AK8: variants seen among roughly 807,000 people sequenced by gnomAD.
AK8 encodes the protein ATP-AMP transphosphorylase 8.
AK8 carries 44 observed loss-of-function variants against 54.6 expected under a neutral mutation model. The observed-to-expected ratio is 0.81, with a 90% confidence interval of 0.63 to 1.04. AK8 has a LOEUF of 1.04. AK8 is among the 50% of genes least tolerant of loss of function. The probability of loss-of-function intolerance (pLI) is 0.00; values close to 1 mark genes in which losing one functional copy is unlikely to be tolerated. For missense variants in AK8, 555 were observed against 613.6 expected, an observed-to-expected ratio of 0.90 and a Z score of 1.01; for synonymous variants, 239 against 245.6, an observed-to-expected ratio of 0.97 and a Z score of 0.25.
At chr9:132,764,284 TG>T (rs1838621702) in intron 11 of AK8, among the ~76,000 whole-genome samples, 1 of 152,088 alleles carries the variant, frequency 6.6e-6, no homozygotes, top group Non-Finnish European at 1.5e-5. Context: ...CACTCCAGCC[TG>T]GACAACAGAG....
At chr9:132,733,398 C>T (rs1033070769) in intron 11 of AK8, among the ~76,000 whole-genome samples, 1 of 152,168 alleles carries the variant, frequency 6.6e-6, no homozygotes, top group Non-Finnish European at 1.5e-5. Context: ...TGGATGCCGA[C>T]GCCAGTAGAA....
chr9:132,825,037 A>G (rs1464173895), intron 8 of AK8, among the ~76,000 whole-genome samples: 2 of 152,210 alleles, frequency 1.3e-5, no homozygotes, highest in Admixed American at 6.5e-5. Context: ...GAGAAGCCCA[A>G]AGGAAGCTAC....
chr9:132,875,945 CA>C (rs1277034932), intron 1 of AK8, among the ~76,000 whole-genome samples: 2 of 152,230 alleles, frequency 1.3e-5, no homozygotes, highest in Admixed American at 1.3e-4. Flanking sequence ...CCATTTCATC[CA>C]ATCAGGCAAG....
At position 132,837,417 on chromosome 9, in the gene AK8, G is replaced by T. The variant is rs2771993; in HGVS notation, c.403-8691C>A. On this transcript the variant is annotated intron_variant, in intron 5 of 12. Coordinates refer to ENST00000298545, the MANE Select transcript of AK8 (RefSeq NM_152572.3). The surrounding 1 kb of genome is among the most constrained non-coding windows in gnomAD (Gnocchi z 4.3). ...GCCCTGCTAGCTCTCGGGAGCAGAC[G>T]TGGCACCTCTGACTCTCTGCTCAGC... is the stretch of plus-strand genomic sequence containing the variant. 6.6e-6 allele frequency among the ~76,000 whole-genome samples: 1 copy of T among 151,944 alleles called. No individual in the cohort carries two copies. The highest frequency in any genetic ancestry group is 2.4e-5 in the African/African-American group (1 of 41,352).
chr9:132,766,216 A>G (rs1483661554), intron 11 of AK8, among the ~76,000 whole-genome samples: 3 of 152,154 alleles, frequency 2.0e-5, no homozygotes, highest in African/African-American at 7.2e-5. Flanking sequence ...GGTTCAAGCA[A>G]TCCTCCCACC....
At chr9:132,794,743 C>T (rs188885896) in intron 10 of AK8, among the ~76,000 whole-genome samples, 42 of 152,306 alleles carry the variant, frequency 2.8e-4, no homozygotes, top group African/African-American at 9.9e-4. Flanking sequence ...CTGTTAAAAT[C>T]AACTTGACCA....
intron 4 of AK8, among the ~76,000 whole-genome samples, chr9:132,862,792 G>T (rs1455031707): frequency 6.6e-6 from 1 of 152,166 alleles, no homozygotes; most frequent in African/African-American, 2.4e-5. Flanking sequence ...CCCCCTTCCT[G>T]AGGATTTGGC....
intron 10 of AK8, among the ~76,000 whole-genome samples, chr9:132,811,773 C>T (rs190888519): frequency 2.0e-5 from 3 of 152,278 alleles, no homozygotes; most frequent in East Asian, 3.8e-4. Context: ...TCAGGGTATC[C>T]TAATAAGATC....
At chr9:132,777,087 C>T (rs1442694622) in intron 11 of AK8, among the ~76,000 whole-genome samples, 8 of 152,190 alleles carry the variant, frequency 5.3e-5, no homozygotes, top group Non-Finnish European at 7.3e-5. Context: ...CTTTCTCCAA[C>T]TCTACCCCGC....
chr9:132,878,731 G>C, upstream of AK8: 1 of 987,024 alleles, frequency 1.0e-6, no homozygotes, highest in South Asian at 4.7e-5. The surrounding 1 kb of genome is among the most constrained non-coding windows in gnomAD (Gnocchi z 4.7). Flanking sequence ...CCGGAGGTTC[G>C]AGGATCGGGT....
chr9:132,828,718 A>G lies in AK8; in HGVS notation c.411T>C (p.Ile137=). 1 of 1,611,532 alleles carries G rather than the reference A, an allele frequency of 6.2e-7. No individual in the cohort carries two copies. The highest frequency in any genetic ancestry group is 8.5e-7 in the Non-Finnish European group (1 of 1,178,222). The change falls in exon 6 of 13, where the codon ATT becomes ATC. Residue 137 remains isoleucine, a synonymous_variant. Transcript: ENST00000298545. ...CACGCGTCTCAGGGATGCCATCCAG[A>G]ATCCAGCCCTAGACAGAAGATTCAG... The part of the protein sequence containing the change: ...AEEDCIKQGW[I]LDGIPETREQ...
At chr9:132,839,887 G>A (rs1419242208) in intron 5 of AK8, among the ~76,000 whole-genome samples, 4 of 150,204 alleles carry the variant, frequency 2.7e-5, no homozygotes, top group African/African-American at 7.4e-5. Context: ...GCGCGATCTC[G>A]GCTCACCGCA....
rs549599117 is a variant in AK8 at position 132,748,883 on chromosome 9, T to G, written c.1122-21349A>C. On this transcript the variant is annotated intron_variant, in intron 11 of 12. Transcript: ENST00000298545. Reference sequence around the variant, plus strand: ...AGTGGCTAAGTTGTGTTTGTTTGTTTGTTTGTTTTGAGACTAAGTCTCACT... The same window carrying G: ...AGTGGCTAAGTTGTGTTTGTTTGTTGGTTTGTTTTGAGACTAAGTCTCACT... Among the ~76,000 whole-genome samples, 8 of 152,024 alleles carry G rather than the reference T, an allele frequency of 5.3e-5. 1 individual carries two copies. The South Asian group carries it at 1.5e-3, about 28-fold the overall frequency.
chr9:132,828,560 G>A (rs1490709414), intron 6 of AK8, 85 bp downstream of exon 6: 3 of 1,247,816 alleles, frequency 2.4e-6, no homozygotes, highest in African/African-American at 3.0e-5. Flanking sequence ...CTGAGGTCAG[G>A]AGCAGGCAGC....
At chr9:132,849,147 A>G (rs1025294733) in intron 5 of AK8, among the ~76,000 whole-genome samples, 2 of 152,034 alleles carry the variant, frequency 1.3e-5, no homozygotes, top group African/African-American at 4.8e-5. Context: ...GGATCTCATG[A>G]TCCGCCTGTC....
intron 4 of AK8, among the ~76,000 whole-genome samples, chr9:132,857,044 A>G (rs1843197941): frequency 6.6e-6 from 1 of 152,128 alleles, no homozygotes; most frequent in Non-Finnish European, 1.5e-5. Context: ...CACAGAGGAA[A>G]AAGGAGACCA....
At chr9:132,800,781 G>A (rs555807581) in intron 10 of AK8, among the ~76,000 whole-genome samples, 1 of 152,250 alleles carries the variant, frequency 6.6e-6, no homozygotes, top group African/African-American at 2.4e-5. Flanking sequence ...CCTTGGAGAG[G>A]GCCACCCACT....
chr9:132,839,562 C>G (rs1414261674), intron 5 of AK8, among the ~76,000 whole-genome samples: 3 of 152,178 alleles, frequency 2.0e-5, no homozygotes, highest in Non-Finnish European at 1.5e-5. Flanking sequence ...CAGATGGGGA[C>G]AGCATCCCTC....
rs151066522 is a variant in AK8 at position 132,803,777 on chromosome 9, A to G, written c.979+10861T>C. ...CCCTTCTAGAAATCCTTCAGGCTGC[A>G]TGCTGCCCCCTGTGACCTGTCTCCT... On this transcript the variant is annotated intron_variant, in intron 10 of 12. Coordinates refer to ENST00000298545, the MANE Select transcript of AK8 (RefSeq NM_152572.3). This position sits in a 1 kb window ranked among gnomAD's most constrained non-coding sequence, Gnocchi z 4.4. Among the ~76,000 whole-genome samples, 25 of 152,204 alleles carry G rather than the reference A, an allele frequency of 1.6e-4. No individual in the cohort carries two copies. In the East Asian group the frequency reaches 4.3e-3, roughly 26 times the overall value.
Sources: gnomAD v4.1 joint callset for allele counts (sites outside exome capture counted in the v4.1 genomes callset) on GRCh38, gnomAD v4.1.1 for gene constraint, Gnocchi (gnomAD v3.1) non-coding constraint, MANE v1.5 for transcripts, NCBI Gene and HGNC (gene_info 2026-07-23, HGNC 2026-07-21) for gene names.